Variants in NCOA5 observed in about 807,000 individuals in gnomAD.
NCOA5 encodes the protein nuclear receptor coactivator 5, also known as NCoA-5.
Under a neutral mutation model 59.0 loss-of-function variants are expected in NCOA5, and 12 were observed. The ratio of observed to expected loss-of-function variants is 0.20; its 90% CI spans 0.13 to 0.33. The LOEUF (loss-of-function observed/expected upper bound fraction) is 0.33. NCOA5 is among the 10% of genes least tolerant of loss of function. The pLI, the probability that NCOA5 is intolerant of heterozygous loss-of-function variation, is 1.00. For synonymous variants in NCOA5, 270 were observed against 275.5 expected, an observed-to-expected ratio of 0.98 and a Z score of 0.20; for missense variants, 655 against 766.6, an observed-to-expected ratio of 0.85 and a Z score of 1.72.
At chr20:46,089,337 G>A (rs543129402) in intron 1 of NCOA5, among the ~76,000 whole-genome samples, 1 of 152,360 alleles carries the variant, frequency 6.6e-6, no homozygotes, top group African/African-American at 2.4e-5. Flanking sequence ...GCGGGGGACA[G>A]CGCTCAGTAC....
chr20:46,075,546 G>C (rs557542576), intron 2 of NCOA5, among the ~76,000 whole-genome samples: 1 of 152,140 alleles, frequency 6.6e-6, no homozygotes, highest in Non-Finnish European at 1.5e-5. Context: ...ACAAATATAT[G>C]GGGAAAAATC....
Position 46,068,584 on chromosome 20 carries a change from C to G in NCOA5, c.420G>C (p.Lys140Asn). Residue 140 changes from lysine (K) to asparagine (N), a missense_variant, in exon 4 of 8, where the codon AAG (lysine) becomes AAC (asparagine). By Grantham distance (94) the Lys-to-Asn change is moderately conservative. Coordinates refer to ENST00000290231, the MANE Select transcript of NCOA5 (RefSeq NM_020967.3). ...TGTAACGGTCAAAATAAGAGTCATC[C>G]TTTCTCCTGCAATAGTCATCCATTC... is the stretch of plus-strand genomic sequence containing the variant. ...YLRMDDYCRR[K>N]DDSYFDRYRD... The G allele has an allele frequency of 6.2e-7, 1 of 1,613,646 alleles. No individual in the cohort carries two copies. The highest frequency in any genetic ancestry group is 8.5e-7 in the Non-Finnish European group (1 of 1,179,780).
In NCOA5 at chr20:46,062,853, C is replaced by T; in HGVS notation, c.1187G>A (p.Gly396Asp). ...ISRQPLGATS[G>D]ASLKTQPSSQ... ...GCTTGGCTGTGTCTTCAGCGAGGCA[C>T]CCGAGGTCGCCCCGAGTGGTTGGCG... Residue 396 changes from glycine to aspartate, a missense_variant, in exon 8 of 8, where the codon GGT (glycine) becomes GAT (aspartate). This residue lies in a region of NCOA5 where 325 missense variants were observed against 353.2 expected (regional missense o/e 0.92). Coordinates refer to ENST00000290231, the MANE Select transcript of NCOA5 (RefSeq NM_020967.3). 6.6e-7 allele frequency: 1 copy of T among 1,522,132 alleles called. No individual in the cohort carries two copies. Among genetic ancestry groups the T allele is most frequent in the South Asian group, 1.3e-5 (1 of 76,180 alleles). The allele number at this position is 1,522,132 out of a possible 1,614,324, so 94.3% of individuals were successfully genotyped here.
At chr20:46,076,985 G>A (rs2425753) in intron 2 of NCOA5, among the ~76,000 whole-genome samples, 55,273 of 152,010 alleles carry the variant, frequency 0.36, 10,341 homozygotes, top group East Asian at 0.57. Context: ...GTGTGATCAC[G>A]GCTCACTGCA....
At chr20:46,084,671 TG>T (rs1416682444) in intron 1 of NCOA5, among the ~76,000 whole-genome samples, 1 of 152,248 alleles carries the variant, frequency 6.6e-6, no homozygotes, top group Non-Finnish European at 1.5e-5. Context: ...TCCAGTCATT[TG>T]ATTTCTCTGA....
rs113492455 is a variant in NCOA5, at chr20:46,084,928, T to C, written c.-30+4889A>G. ...AAAAGGATAGCTTATAATTAATACA[T>C]TGAATGCTTCATTGATTCATAATGT... On this transcript the variant is annotated intron_variant, in intron 1 of 7. Transcript: ENST00000290231. Among the ~76,000 whole-genome samples, 1,005 of 152,360 alleles carry C rather than the reference T, an allele frequency of 6.6e-3. 4 individuals carry two copies. The highest frequency in any genetic ancestry group is 0.02 in the Middle Eastern group (6 of 294).
chr20:46,082,100 G>A (rs1025254277), intron 1 of NCOA5, among the ~76,000 whole-genome samples: 2 of 152,046 alleles, frequency 1.3e-5, no homozygotes, highest in Non-Finnish European at 2.9e-5. Flanking sequence ...CTTTGAAAAT[G>A]CAAATATTGA....
At chr20:46,084,263 G>A (rs2085023723) in intron 1 of NCOA5, among the ~76,000 whole-genome samples, 1 of 152,224 alleles carries the variant, frequency 6.6e-6, no homozygotes, top group Non-Finnish European at 1.5e-5. Context: ...GCAGAGCTGA[G>A]ACTCAGACCC....
At position 46,067,140 on chromosome 20, in the gene NCOA5, G is replaced by A. The variant is rs774800618; in HGVS notation, c.544C>T (p.Arg182Cys). 51 of 1,613,978 alleles carry A rather than the reference G, an allele frequency of 3.2e-5. No homozygotes were observed. The highest frequency in any genetic ancestry group is 1.6e-4 in the Middle Eastern group (1 of 6,082). Residue 182 changes from arginine to cysteine, a missense_variant, in exon 5 of 8, where the codon CGT becomes TGT. By Grantham distance (180) the Arg-to-Cys change is radical. Coordinates refer to ENST00000290231, the MANE Select transcript of NCOA5 (RefSeq NM_020967.3). ...REERRREELY[R>C]QYFEEIQRRF... ...CTCTGGATTTCCTCAAAATATTGAC[G>A]ATAAAGCTCTTCTCTACGCCGTTCC...
intron 1 of NCOA5, among the ~76,000 whole-genome samples, chr20:46,088,132 C>T (rs543615027): frequency 1.3e-5 from 2 of 152,288 alleles, no homozygotes; most frequent in East Asian, 3.9e-4. Flanking sequence ...CTTATGAACA[C>T]ACTATTAACT....
At chr20:46,078,131 C>T (rs957349561) in intron 2 of NCOA5, among the ~76,000 whole-genome samples, 1 of 152,228 alleles carries the variant, frequency 6.6e-6, no homozygotes, top group African/African-American at 2.4e-5. Flanking sequence ...TTCAACTCTG[C>T]TGCACAGGCA....
At chr20:46,085,393 G>A (rs2085035429) in intron 1 of NCOA5, among the ~76,000 whole-genome samples, 1 of 152,038 alleles carries the variant, frequency 6.6e-6, no homozygotes, top group South Asian at 2.1e-4. Context: ...ACAATCTAAA[G>A]TGGGATTATG....
chr20:46,065,402 G>GT (rs2084812956), intron 5 of NCOA5, among the ~76,000 whole-genome samples, 174 bp from the exon 6 acceptor site: 1 of 152,188 alleles, frequency 6.6e-6, no homozygotes, highest in East Asian at 1.9e-4. Flanking sequence ...CAGAACGGTT[G>GT]TGACTTGCTT....
chr20:46,068,377 CTT>C, intron 4 of NCOA5, 123 bp downstream of exon 4: 1 of 988,520 alleles, frequency 1.0e-6, no homozygotes, highest in Admixed American at 3.2e-5. Context: ...TATATTTCTT[CTT>C]TTTATACACT....
chr20:46,081,275 ATAGT>A (rs2084989284), intron 1 of NCOA5, among the ~76,000 whole-genome samples: 1 of 152,118 alleles, frequency 6.6e-6, no homozygotes, highest in African/African-American at 2.4e-5. Flanking sequence ...TACAACACAT[ATAGT>A]ATTACTTTAA....
In NCOA5 at chr20:46,066,152, C is replaced by T. The variant is rs1278012683; in HGVS notation, c.629+903G>A. Reference sequence around the variant, plus strand: ...TTTAACCCCAAACTGCTAGAAAATACATGAAGTTATTTACTTAGTACCACC... The same window carrying T: ...TTTAACCCCAAACTGCTAGAAAATATATGAAGTTATTTACTTAGTACCACC... On this transcript the variant is annotated intron_variant, in intron 5 of 7. Coordinates refer to ENST00000290231, the MANE Select transcript of NCOA5 (RefSeq NM_020967.3). 2.6e-5 allele frequency among the ~76,000 whole-genome samples: 4 copies of T among 152,152 alleles called. No individual in the cohort carries two copies. The South Asian group carries it at 8.3e-4, about 31-fold the overall frequency.
At chr20:46,075,790 T>C (rs2084931903) in intron 2 of NCOA5, among the ~76,000 whole-genome samples, 3 of 152,212 alleles carry the variant, frequency 2.0e-5, no homozygotes, top group African/African-American at 7.2e-5. Context: ...GCTTGACAAC[T>C]TGCATGGTAA....
chr20:46,077,083 ATTT>A (rs963507973), intron 2 of NCOA5, among the ~76,000 whole-genome samples: 1 of 151,904 alleles, frequency 6.6e-6, no homozygotes. Context: ...ACGCCCGGCT[ATTT>A]TTTTGTAGAG....
At chr20:46,074,004 A>C (rs1238617707) in intron 2 of NCOA5, among the ~76,000 whole-genome samples, 1 of 152,240 alleles carries the variant, frequency 6.6e-6, no homozygotes, top group Non-Finnish European at 1.5e-5. Flanking sequence ...TATTCACAAA[A>C]GGAAAAAGAA....
Sources: allele counts gnomAD v4.1 joint callset (sites outside exome capture counted in the v4.1 genomes callset), GRCh38; gene constraint gnomAD v4.1.1; regional missense constraint gnomAD v4.1.1; transcripts MANE v1.5; gene names NCBI Gene and HGNC (gene_info 2026-07-23, HGNC 2026-07-21).